Variants in CORO2B observed in about 807,000 individuals in gnomAD.
The protein encoded by CORO2B is coronin 2B.
In CORO2B, 26 loss-of-function variants were observed where a neutral mutation model predicts 58.8. The ratio of observed to expected loss-of-function variants is 0.44; its 90% CI spans 0.32 to 0.61. The LOEUF is 0.61. Among genes scored for constraint, CORO2B ranks in the 20% least tolerant of loss-of-function variants. The pLI is 0.04. For synonymous variants in CORO2B, 242 were observed against 253.8 expected (o/e 0.95, Z 0.44); for missense variants, 460 against 645.1 (o/e 0.71, Z 3.11).
intron 2 of CORO2B, among the ~76,000 whole-genome samples, chr15:68,655,477 G>A (rs1319954933): frequency 2.0e-5 from 3 of 152,054 alleles, no homozygotes; most frequent in Non-Finnish European, 4.4e-5. Context: ...GATTCCAAGC[G>A]CCTTGTTGTG....
intron 11 of CORO2B, among the ~76,000 whole-genome samples, chr15:68,720,172 G>C (rs917799975): frequency 6.6e-6 from 1 of 152,206 alleles, no homozygotes; most frequent in African/African-American, 2.4e-5. Flanking sequence ...CTGAAATGGA[G>C]ATGGCTGCAT....
intron 2 of CORO2B, among the ~76,000 whole-genome samples, chr15:68,651,223 G>A (rs1380827485): frequency 1.3e-5 from 2 of 152,216 alleles, no homozygotes; most frequent in African/African-American, 4.8e-5. Context: ...TGGAGCCAGC[G>A]CCGGCTTCCC....
At chr15:68,700,496 T>C (rs558983405) in intron 3 of CORO2B, among the ~76,000 whole-genome samples, 2 of 152,256 alleles carry the variant, frequency 1.3e-5, no homozygotes, top group South Asian at 4.1e-4. Flanking sequence ...CCAGGATCCG[T>C]TTCCCCTCCC....
the CORO2B span, among the ~76,000 whole-genome samples, chr15:68,519,755 T>C: frequency 6.6e-6 from 1 of 152,254 alleles, no homozygotes; most frequent in African/African-American, 2.4e-5. Context: ...TTAGGATAGA[T>C]ACTTACATAA....
intron 2 of CORO2B, among the ~76,000 whole-genome samples, chr15:68,656,512 C>T (rs946194655): frequency 6.6e-6 from 1 of 152,072 alleles, no homozygotes; most frequent in Non-Finnish European, 1.5e-5. Context: ...GTCAAGGTTG[C>T]ACAGCTAGTT....
intron 1 of CORO2B, among the ~76,000 whole-genome samples, chr15:68,624,232 C>T (rs1483462756): frequency 6.6e-6 from 1 of 152,132 alleles, no homozygotes; most frequent in East Asian, 1.9e-4. Flanking sequence ...AGCCATGGCA[C>T]AAGACTTGCA....
chr15:68,562,806 C>G, the CORO2B span, among the ~76,000 whole-genome samples: 9 of 151,776 alleles, frequency 5.9e-5, no homozygotes, highest in African/African-American at 2.2e-4. Context: ...GAAACCCCGT[C>G]TCTACTAAAA....
rs540798094 is a variant in CORO2B at position 68,725,903 on chromosome 15, C to G, written c.1372C>G (p.Gln458Glu). 2 of 1,614,074 alleles carry G rather than the reference C, an allele frequency of 1.2e-6. No homozygotes were observed. The highest frequency in any genetic ancestry group is 1.7e-6 in the Non-Finnish European group (2 of 1,180,020). The change falls in exon 12 of 12, where the codon CAG becomes GAG. Residue 458 changes from glutamine (Q) to glutamate (E), a missense_variant. Around this residue, in one of 2 missense-constraint regions of CORO2B, gnomAD observed 108 missense variants for 102.1 expected, o/e 1.06. Coordinates refer to ENST00000261861, the MANE Select transcript of CORO2B (RefSeq NM_006091.5). The stretch of plus-strand genomic sequence containing the variant: ...TCGACGGTTGAAAGAGGAGCTGGCC[C>G]AGAAGGACATCCGCATTCGGCAGCT... ...EIRRLKEELAQKDIRIRQLQL... is the reference protein window; with the variant it reads ...EIRRLKEELAEKDIRIRQLQL...
chr15:68,631,213 G>A, intron 1 of CORO2B, among the ~76,000 whole-genome samples: 1 of 152,172 alleles, frequency 6.6e-6, no homozygotes, highest in East Asian at 1.9e-4. Context: ...GTCCCCCAAA[G>A]GCCAGCCACT....
the CORO2B span, among the ~76,000 whole-genome samples, chr15:68,552,383 A>G: frequency 1.3e-5 from 2 of 148,232 alleles, no homozygotes; most frequent in Non-Finnish European, 3.0e-5. Flanking sequence ...ATTTGGACAC[A>G]GAGGAAATCT....
At chr15:68,676,463 T>TG (rs1902588389) in intron 2 of CORO2B, among the ~76,000 whole-genome samples, 1 of 152,208 alleles carries the variant, frequency 6.6e-6, no homozygotes, top group African/African-American at 2.4e-5. Context: ...GTAAGGGGTC[T>TG]GCAAGGATAA....
At chr15:68,648,676 G>A (rs1901535679) in intron 2 of CORO2B, among the ~76,000 whole-genome samples, 2 of 152,094 alleles carry the variant, frequency 1.3e-5, no homozygotes, top group Admixed American at 1.3e-4. Context: ...GAGAAAGAGA[G>A]AGAGAAAGGA....
intron 11 of CORO2B, among the ~76,000 whole-genome samples, chr15:68,724,617 A>G (rs1344476255): frequency 1.3e-5 from 2 of 152,208 alleles, no homozygotes; most frequent in African/African-American, 4.8e-5. Flanking sequence ...TTTTTTTAGC[A>G]TCATCTTTAT....
chr15:68,670,481 G>A (rs1053930526), intron 2 of CORO2B, among the ~76,000 whole-genome samples: 1 of 152,128 alleles, frequency 6.6e-6, no homozygotes, highest in Non-Finnish European at 1.5e-5. Context: ...CGCCCAGCCA[G>A]CAAAAATATT....
chr15:68,635,728 C>G (rs1364035765), intron 1 of CORO2B, among the ~76,000 whole-genome samples: 1 of 152,198 alleles, frequency 6.6e-6, no homozygotes, highest in African/African-American at 2.4e-5. Flanking sequence ...TTTCCTGGCT[C>G]TCTGTGCAGA....
intron 11 of CORO2B, 43 bp from the exon 12 acceptor site, chr15:68,725,800 C>A: frequency 6.2e-7 from 1 of 1,608,258 alleles, no homozygotes; most frequent in South Asian, 1.1e-5. Context: ...CTCACCTGCT[C>A]TCTCCTGGGC....
At chr15:68,719,695 GC>G (rs1893117326) in intron 11 of CORO2B, 143 bp downstream of exon 11, 2 of 884,806 alleles carry the variant, frequency 2.3e-6, no homozygotes, top group Non-Finnish European at 3.3e-6. Flanking sequence ...CCTGATATTG[GC>G]TTCTGATGCT....
At chr15:68,608,864 A>G (rs1401222043) in intron 1 of CORO2B, among the ~76,000 whole-genome samples, 2 of 152,032 alleles carry the variant, frequency 1.3e-5, no homozygotes, top group Non-Finnish European at 2.9e-5. Flanking sequence ...ATTCCCTTCC[A>G]CTGTGTTTGC....
chr15:68,710,672 T>C lies in CORO2B; in HGVS notation c.334-60T>C. The C allele has an allele frequency of 6.8e-7, 1 of 1,463,006 alleles. No individual in the cohort carries two copies. Among genetic ancestry groups the C allele is most frequent in the Non-Finnish European group, 9.1e-7 (1 of 1,100,540 alleles). The allele number at this position is 1,463,006 out of a possible 1,614,324, so 90.6% of individuals were successfully genotyped here. On this transcript the variant is annotated intron_variant, in intron 3 of 11. Coordinates refer to ENST00000261861, the MANE Select transcript of CORO2B (RefSeq NM_006091.5). This position sits in a 1 kb window ranked among gnomAD's most constrained non-coding sequence, Gnocchi z 4.1. ...CCTGGTGTCCGAGGAAAGGGGCACC[T>C]CTCATCAAGGGACTTCTTGGCCGTG... is the stretch of plus-strand genomic sequence containing the variant.
Sources: allele counts gnomAD v4.1 joint callset (sites outside exome capture counted in the v4.1 genomes callset), GRCh38; gene constraint gnomAD v4.1.1; regional missense constraint gnomAD v4.1.1; non-coding constraint Gnocchi (gnomAD v3.1); transcripts MANE v1.5; gene names NCBI Gene and HGNC (gene_info 2026-07-23, HGNC 2026-07-21).